Variants in USP28 observed in about 807,000 individuals in gnomAD.
USP28 encodes ubiquitin specific peptidase 28.
USP28 carries 113 observed loss-of-function variants against 145.0 expected under a neutral mutation model. The observed-to-expected ratio is 0.78, with a 90% CI of 0.67 to 0.91. The LOEUF is 0.91. Ranked by LOEUF, USP28 falls within the 40% of genes least tolerant of loss-of-function variation. The pLI is 0.00. For missense variants in USP28, 1,201 were observed against 1,289.6 expected (o/e 0.93, Z 1.05); for synonymous variants, 447 against 450.9 (o/e 0.99, Z 0.11).
At chr11:113,804,474 T>G (rs1486494052) in intron 21 of USP28, among the ~76,000 whole-genome samples, 199 bp downstream of exon 22, 1 of 152,242 alleles carries the variant, frequency 6.6e-6, no homozygotes, top group Non-Finnish European at 1.5e-5. Flanking sequence ...TGACTCACTC[T>G]AAATGAAGAA....
At chr11:113,802,359 A>C (rs1056796314) in intron 23 of USP28, among the ~76,000 whole-genome samples, 2 of 152,270 alleles carry the variant, frequency 1.3e-5, no homozygotes, top group African/African-American at 4.8e-5. Context: ...ATCAGAAAAT[A>C]AAGCTATTGA....
intron 3 of USP28, among the ~76,000 whole-genome samples, chr11:113,847,131 G>A (rs1408436418): frequency 6.6e-6 from 1 of 152,014 alleles, no homozygotes; most frequent in Non-Finnish European, 1.5e-5. Flanking sequence ...ATCAATGGCT[G>A]CTGAAAATGC....
chr11:113,813,403 A>C (rs989789878), intron 15 of USP28, among the ~76,000 whole-genome samples: 3 of 152,182 alleles, frequency 2.0e-5, no homozygotes, highest in Non-Finnish European at 2.9e-5. Context: ...CCATTCCCAG[A>C]ATTTATTCTA....
At chr11:113,844,724 G>T (rs1407753590) in intron 3 of USP28, among the ~76,000 whole-genome samples, 3 of 152,070 alleles carry the variant, frequency 2.0e-5, no homozygotes, top group Non-Finnish European at 4.4e-5. Context: ...CACCCATAGG[G>T]ACAGCTATCA....
chr11:113,805,481 C>A (rs1430761363), intron 19 of USP28, among the ~76,000 whole-genome samples: 2 of 152,036 alleles, frequency 1.3e-5, no homozygotes, highest in African/African-American at 4.8e-5. Context: ...GTCTCAAACT[C>A]CTGAGCTCAA....
intron 3 of USP28, among the ~76,000 whole-genome samples, chr11:113,851,726 G>C (rs182757651): frequency 6.6e-6 from 1 of 151,662 alleles, no homozygotes; most frequent in African/African-American, 2.4e-5. Flanking sequence ...CAGAGGTTGC[G>C]GTGAGCGCAG....
chr11:113,864,568 T>C (rs1210622569), intron 1 of USP28, among the ~76,000 whole-genome samples: 2 of 152,114 alleles, frequency 1.3e-5, no homozygotes, highest in Non-Finnish European at 2.9e-5. Context: ...AAAGAGCTGA[T>C]GGTTGTCTAA....
intron 5 of USP28, among the ~76,000 whole-genome samples, chr11:113,839,791 G>A (rs538868718): frequency 1.1e-4 from 17 of 152,222 alleles, no homozygotes; most frequent in African/African-American, 3.4e-4. Context: ...TTGGGAGGCC[G>A]AGGCAGGCAG....
chr11:113,852,648 G>A lies in USP28; in HGVS notation c.136-15C>T, dbSNP rs1946602339. The stretch of plus-strand genomic sequence containing the variant: ...CCATTACTGGCCTATGGGAGAAAAA[G>A]ACAATAGAAATTTCAAAAGTAATCA... On this transcript the variant is annotated splice_polypyrimidine_tract_variant and intron_variant, in intron 2 of 24. Coordinates refer to ENST00000003302, the Ensembl canonical transcript of USP28. 1.9e-6 allele frequency: 3 copies of A among 1,612,726 alleles called. No homozygotes were observed. The highest frequency in any genetic ancestry group is 1.3e-5 in the African/African-American group (1 of 74,938).
At chr11:113,872,928 T>C (rs1181260483) in intron 1 of USP28, among the ~76,000 whole-genome samples, 1 of 152,208 alleles carries the variant, frequency 6.6e-6, no homozygotes, top group African/African-American at 2.4e-5. Context: ...TCCATACTGA[T>C]AGCATATTTC....
chr11:113,856,136 A>T (rs1427133597), intron 1 of USP28, among the ~76,000 whole-genome samples: 1 of 152,222 alleles, frequency 6.6e-6, no homozygotes, highest in East Asian at 1.9e-4. Flanking sequence ...GCAAGCATGT[A>T]ATTTTTAGAA....
intron 1 of USP28, among the ~76,000 whole-genome samples, chr11:113,858,889 A>G (rs2513587): frequency 0.19 from 29,538 of 152,174 alleles, 2,941 homozygotes; most frequent in Middle Eastern, 0.21. Flanking sequence ...GATTACAGGC[A>G]TGAGCCACCG....
intron 5 of USP28, among the ~76,000 whole-genome samples, chr11:113,837,604 A>C (rs945323938): frequency 1.3e-5 from 2 of 152,158 alleles, no homozygotes; most frequent in African/African-American, 4.8e-5. Flanking sequence ...GCTCCCTAAC[A>C]ATCAGTTCCT....
intron 5 of USP28, among the ~76,000 whole-genome samples, chr11:113,834,969 A>G (rs188886722): frequency 2.0e-3 from 305 of 152,340 alleles, no homozygotes; most frequent in African/African-American, 6.7e-3. Context: ...CGTATTGTTC[A>G]GGGATACATC....
At chr11:113,862,541 G>A (rs1037682315) in intron 1 of USP28, among the ~76,000 whole-genome samples, 5 of 152,158 alleles carry the variant, frequency 3.3e-5, no homozygotes, top group Admixed American at 6.5e-5. Flanking sequence ...CTGGTTCAAC[G>A]TGGGATGACA....
intron 3 of USP28, among the ~76,000 whole-genome samples, chr11:113,848,162 C>A (rs544229117): frequency 3.3e-5 from 5 of 152,208 alleles, no homozygotes; most frequent in African/African-American, 1.2e-4. Flanking sequence ...TACTGCAGAT[C>A]AGTGGGGAAT....
At chr11:113,799,832 T>TA (rs552169413) in intron 24 of USP28, among the ~76,000 whole-genome samples, 8 of 151,546 alleles carry the variant, frequency 5.3e-5, no homozygotes, top group Non-Finnish European at 8.8e-5. Context: ...CTGATGAGGT[T>TA]AAAAAAAAAT....
chr11:113,868,023 C>A (rs994186998), intron 1 of USP28, among the ~76,000 whole-genome samples: 27 of 151,986 alleles, frequency 1.8e-4, no homozygotes, highest in African/African-American at 6.5e-4. Flanking sequence ...ATATTTTGAC[C>A]CCTGTTTTAC....
chr11:113,808,246 T>C, intron 18 of USP28, 52 bp downstream of exon 18: 2 of 1,589,852 alleles, frequency 1.3e-6, no homozygotes, highest in South Asian at 2.2e-5. Context: ...AAACTGGCCA[T>C]CGCTGCTGAA....
Sources: gnomAD v4.1 joint callset for allele counts (sites outside exome capture counted in the v4.1 genomes callset) on GRCh38, gnomAD v4.1.1 for gene constraint, MANE v1.5 for transcripts, NCBI Gene and HGNC (gene_info 2026-07-23, HGNC 2026-07-21) for gene names.